Variants in CTNNA3 observed in about 807,000 individuals in gnomAD.
CTNNA3 encodes catenin alpha 3, also known as catenin alpha-3.
In CTNNA3, 76 loss-of-function variants were observed where a neutral mutation model predicts 95.7. The observed-to-expected ratio is 0.79, with a 90% CI of 0.66 to 0.96. The LOEUF (loss-of-function observed/expected upper bound fraction) is 0.96, where lower values mean the gene tolerates loss of function less well. CTNNA3 is among the 40% of genes least tolerant of loss of function. CTNNA3 has a pLI of 0.00. For synonymous variants in CTNNA3, 431 were observed against 374.4 expected (o/e 1.15, Z -1.74); for missense variants, 1,191 against 1,089.8 (o/e 1.09, Z -1.31).
At chr10:66,704,558 C>T (rs1047745188) in intron 9 of CTNNA3, among the ~76,000 whole-genome samples, 1 of 151,944 alleles carries the variant, frequency 6.6e-6, no homozygotes, top group African/African-American at 2.4e-5. Context: ...TATGAGTGTG[C>T]CTGCATAGTG....
intron 7 of CTNNA3, among the ~76,000 whole-genome samples, chr10:67,136,439 T>C (rs1260752502): frequency 6.6e-6 from 1 of 152,030 alleles, no homozygotes; most frequent in Admixed American, 6.6e-5. Flanking sequence ...AAAGTTAATT[T>C]CTCCTTAGAA....
intron 1 of CTNNA3, among the ~76,000 whole-genome samples, chr10:67,650,807 G>C (rs984663704): frequency 1.3e-4 from 20 of 152,166 alleles, no homozygotes; most frequent in Admixed American, 2.6e-4. Context: ...AAAGGAGAGG[G>C]ATGATGGAAG....
chr10:66,938,543 G>A (rs930503150), intron 7 of CTNNA3, among the ~76,000 whole-genome samples: 4 of 152,160 alleles, frequency 2.6e-5, no homozygotes, highest in African/African-American at 9.7e-5. Context: ...GCATCTTCAT[G>A]TTGAGTAGGC....
chr10:66,205,310 A>G (rs948393520), intron 13 of CTNNA3, among the ~76,000 whole-genome samples: 1 of 152,030 alleles, frequency 6.6e-6, no homozygotes, highest in Non-Finnish European at 1.5e-5. Context: ...TAAGAAAACA[A>G]TGTTGAATAA....
intron 14 of CTNNA3, among the ~76,000 whole-genome samples, chr10:66,097,098 A>G (rs182850449): frequency 5.3e-5 from 8 of 152,298 alleles, no homozygotes; most frequent in African/African-American, 1.9e-4. Context: ...ACTTGCTGGC[A>G]TCATTAAGAA....
intron 1 of CTNNA3, among the ~76,000 whole-genome samples, chr10:67,650,116 G>T (rs147560429): frequency 6.6e-6 from 1 of 152,206 alleles, no homozygotes; most frequent in African/African-American, 2.4e-5. Flanking sequence ...TAGGATTACA[G>T]GCGTGAGCCA....
At chr10:66,705,376 G>A (rs1309990793) in intron 9 of CTNNA3, among the ~76,000 whole-genome samples, 1 of 151,970 alleles carries the variant, frequency 6.6e-6, no homozygotes, top group Admixed American at 6.6e-5. Context: ...CAGAGAACGA[G>A]TTGGGAAGTA....
At chr10:66,944,854 T>A (rs539973093) in intron 7 of CTNNA3, among the ~76,000 whole-genome samples, 4 of 152,340 alleles carry the variant, frequency 2.6e-5, no homozygotes, top group Admixed American at 6.5e-5. Context: ...GGTGACCAGA[T>A]GCATTATCAG....
At chr10:66,744,729 T>C (rs12355629) in intron 9 of CTNNA3, among the ~76,000 whole-genome samples, 3,935 of 152,298 alleles carry the variant, frequency 0.026, 70 homozygotes, top group South Asian at 0.05. Context: ...GTCTAATCCA[T>C]ACCCCTAAAA....
intron 3 of CTNNA3, among the ~76,000 whole-genome samples, chr10:67,581,025 C>T (rs1253115983): frequency 6.6e-6 from 1 of 152,132 alleles, no homozygotes; most frequent in Non-Finnish European, 1.5e-5. Context: ...TTGACTTCCT[C>T]TTTTCCTAAT....
At chr10:66,270,217 CA>C (rs2091247881) in intron 13 of CTNNA3, among the ~76,000 whole-genome samples, 1 of 122,626 alleles carries the variant, frequency 8.2e-6, no homozygotes, top group Admixed American at 8.0e-5. Flanking sequence ...AACACTATAA[CA>C]TTTTTTGGGG....
At chr10:67,411,707 CAG>C (rs1347638039) in intron 5 of CTNNA3, among the ~76,000 whole-genome samples, 3 of 152,042 alleles carry the variant, frequency 2.0e-5, no homozygotes, top group African/African-American at 7.2e-5. Flanking sequence ...GCAAATATAA[CAG>C]AGTTTTCCTT....
intron 9 of CTNNA3, among the ~76,000 whole-genome samples, chr10:66,670,485 T>C (rs980833422): frequency 6.6e-6 from 1 of 152,130 alleles, no homozygotes; most frequent in African/African-American, 2.4e-5. Context: ...CAGCGTCCCC[T>C]TCCTCCATCT....
chr10:67,477,321 C>A (rs559085687), intron 5 of CTNNA3, among the ~76,000 whole-genome samples: 2 of 151,956 alleles, frequency 1.3e-5, no homozygotes, highest in Non-Finnish European at 2.9e-5. Context: ...GGGCCTACCC[C>A]GTATGGCCCC....
chr10:66,818,980 C>T (rs897868475), intron 7 of CTNNA3, among the ~76,000 whole-genome samples: 11 of 151,510 alleles, frequency 7.3e-5, no homozygotes, highest in Non-Finnish European at 1.3e-4. Flanking sequence ...ATCCCAGCTA[C>T]TCAGGAGGCT....
At chr10:66,550,215 T>C (rs754461819) in intron 10 of CTNNA3, among the ~76,000 whole-genome samples, 1 of 152,188 alleles carries the variant, frequency 6.6e-6, no homozygotes, top group Non-Finnish European at 1.5e-5. Flanking sequence ...CACATTGTCT[T>C]GAAGTCTACT....
intron 1 of CTNNA3, among the ~76,000 whole-genome samples, chr10:67,661,803 C>T (rs1486485419): frequency 6.6e-6 from 1 of 151,982 alleles, no homozygotes; most frequent in Non-Finnish European, 1.5e-5. Context: ...TCATTAGTCA[C>T]TAGAGAAATG....
chr10:67,116,740 A>T (rs1279030490), intron 7 of CTNNA3, among the ~76,000 whole-genome samples: 3 of 146,856 alleles, frequency 2.0e-5, no homozygotes. Context: ...ATATATATAT[A>T]TATAATATAT....
At chr10:66,078,526 C>T (rs1386178939) in intron 14 of CTNNA3, among the ~76,000 whole-genome samples, 1 of 151,814 alleles carries the variant, frequency 6.6e-6, no homozygotes, top group Non-Finnish European at 1.5e-5. Context: ...TATTCGCACT[C>T]TACAAAGACC....
Sources: allele counts gnomAD v4.1 joint callset (sites outside exome capture counted in the v4.1 genomes callset), GRCh38; gene constraint gnomAD v4.1.1; transcripts MANE v1.5; gene names NCBI Gene and HGNC (gene_info 2026-07-23, HGNC 2026-07-21).